DCAF7: variants seen among roughly 807,000 people sequenced by gnomAD.
The protein encoded by DCAF7 is DDB1 and CUL4 associated factor 7, also known as DDB1- and CUL4-associated factor 7.
A neutral mutation model predicts 41.2 loss-of-function variants in DCAF7; 4 were observed. The observed-to-expected ratio is 0.10, with a 90% confidence interval of 0.05 to 0.22. DCAF7 has a LOEUF of 0.22. Ranked by LOEUF, DCAF7 falls within the 10% of genes least tolerant of loss-of-function variation. DCAF7 has a pLI of 1.00. For synonymous variants in DCAF7, 143 were observed against 164.2 expected, an observed-to-expected ratio of 0.87 and a Z score of 0.99; for missense variants, 131 against 443.2, an observed-to-expected ratio of 0.30 and a Z score of 6.32.
At chr17:63,551,158 A>G (rs1253337933) in intron 1 of DCAF7, among the ~76,000 whole-genome samples, 1 of 151,964 alleles carries the variant, frequency 6.6e-6, no homozygotes, top group Non-Finnish European at 1.5e-5. Flanking sequence ...CTCCTGCCGC[A>G]TTGCTTTCGT....
intron 1 of DCAF7, among the ~76,000 whole-genome samples, chr17:63,559,200 A>G (rs1305887207): frequency 6.6e-6 from 1 of 150,550 alleles, no homozygotes; most frequent in Non-Finnish European, 1.5e-5. Context: ...AATCCTCGCT[A>G]CTTGGGAGGC....
At chr17:63,562,579 G>A (rs2033394902) in intron 1 of DCAF7, among the ~76,000 whole-genome samples, 1 of 150,372 alleles carries the variant, frequency 6.7e-6, no homozygotes. Flanking sequence ...GGGTACATGT[G>A]CACAATGTGC....
At chr17:63,562,937 ACCT>A (rs2033400092) in intron 1 of DCAF7, among the ~76,000 whole-genome samples, 1 of 150,224 alleles carries the variant, frequency 6.7e-6, no homozygotes, top group Non-Finnish European at 1.5e-5. Context: ...AGATTCTTCC[ACCT>A]CAGCCTCCCA....
At position 63,559,457 on chromosome 17, in the gene DCAF7, A is replaced by ATATT. The variant is rs1295241971; in HGVS notation, c.138+8643_138+8644insATTT. Among the ~76,000 whole-genome samples, 295 of 137,606 alleles carry ATATT rather than the reference A, an allele frequency of 2.1e-3. 4 individuals carry two copies. Among genetic ancestry groups the ATATT allele is most frequent in the African/African-American group, 6.9e-3 (249 of 36,114 alleles). The allele number at this position is 137,606 out of a possible 152,430, so 90.3% of individuals were successfully genotyped here. On this transcript the variant is annotated intron_variant, in intron 1 of 6. Coordinates refer to ENST00000614556, the MANE Select transcript of DCAF7 (RefSeq NM_005828.5). ...TGTGTGTGTATATATATATATATAT[A>ATATT]TTTTTAATAATTGGTATTGAAACCA...
At chr17:63,560,566 C>T (rs1209229746) in intron 1 of DCAF7, among the ~76,000 whole-genome samples, 5 of 152,058 alleles carry the variant, frequency 3.3e-5, no homozygotes, top group Admixed American at 1.3e-4. Flanking sequence ...TACATATGTA[C>T]ACCCATATGT....
chr17:63,583,133 G>C lies in DCAF7; in HGVS notation c.529-369G>C, dbSNP rs2033641771. ...TAGGCCTTAATGAGCTCGTAGACCT[G>C]CCTCTGATTGTGCACAAGGCCCAGG... On this transcript the variant is annotated intron_variant, in intron 4 of 6. Transcript: ENST00000614556. 2.0e-5 allele frequency among the ~76,000 whole-genome samples: 3 copies of C among 152,266 alleles called. No individual in the cohort carries two copies. In the South Asian group the frequency reaches 6.2e-4, roughly 32 times the overall value.
At position 63,579,959 on chromosome 17, in the gene DCAF7, A is replaced by G; in HGVS notation, c.528+16A>G. On this transcript the variant is annotated intron_variant, in intron 4 of 6. Transcript: ENST00000614556. Reference sequence around the variant, plus strand: ...TGACAAAGAGGTAAGATGCTTTTCCATTTCGTCTTTCCTCAAATGCTTCCT... The same window carrying G: ...TGACAAAGAGGTAAGATGCTTTTCCGTTTCGTCTTTCCTCAAATGCTTCCT... 2 of 1,604,688 alleles carry G rather than the reference A, an allele frequency of 1.2e-6. No homozygotes were observed. Among genetic ancestry groups the G allele is most frequent in the Non-Finnish European group, 8.5e-7 (1 of 1,172,466 alleles).
At position 63,579,277 on chromosome 17, in the gene DCAF7, T is replaced by A. The variant is rs886247548; in HGVS notation, c.298-60T>A. Reference sequence around the variant, plus strand: ...AGATATTTTCTAAACAGGGATTTTTTAAAAGACTTTTTATGAGGATAAGAC... The same window carrying A: ...AGATATTTTCTAAACAGGGATTTTTAAAAAGACTTTTTATGAGGATAAGAC... On this transcript the variant is annotated intron_variant, in intron 2 of 6. Transcript: ENST00000614556. 3.3e-6 allele frequency: 4 copies of A among 1,205,228 alleles called. No individual in the cohort carries two copies. In the African/African-American group the frequency reaches 4.6e-5, roughly 14 times the overall value. The allele number at this position is 1,205,228 out of a possible 1,614,324, so 74.7% of individuals were successfully genotyped here.
At chr17:63,553,101 A>G (rs2033274396) in intron 1 of DCAF7, among the ~76,000 whole-genome samples, 1 of 152,242 alleles carries the variant, frequency 6.6e-6, no homozygotes, top group African/African-American at 2.4e-5. Context: ...GAAACCACTT[A>G]TGTTGCACTA....
intron 1 of DCAF7, among the ~76,000 whole-genome samples, chr17:63,564,156 C>T (rs934708785): frequency 2.0e-5 from 3 of 151,934 alleles, no homozygotes; most frequent in Non-Finnish European, 4.4e-5. Flanking sequence ...CACACACACA[C>T]ACACACATAC....
At chr17:63,577,805 C>T (rs1598034095) in intron 1 of DCAF7, among the ~76,000 whole-genome samples, 1 of 152,188 alleles carries the variant, frequency 6.6e-6, no homozygotes, top group South Asian at 2.1e-4. Context: ...CAGCCAAGAA[C>T]CACCCCTGGT....
intron 6 of DCAF7, among the ~76,000 whole-genome samples, chr17:63,587,559 C>A (rs553736078): frequency 6.6e-6 from 1 of 151,748 alleles, no homozygotes; most frequent in Non-Finnish European, 1.5e-5. Flanking sequence ...AGGAAAAGGG[C>A]CTTAGTGCTC....
In DCAF7 at chr17:63,589,567, A is replaced by G. The variant is rs1364352014; in HGVS notation, c.*395A>G. The stretch of plus-strand genomic sequence containing the variant: ...AGCAGTTCATGTCTCGTCCATGTCC[A>G]TGTTCGTGTTAGCACTTACGTGGGA... On this transcript the variant is annotated 3_prime_UTR_variant, in exon 7 of 7. Transcript: ENST00000614556. 7.6e-6 allele frequency: 2 copies of G among 262,262 alleles called. No homozygotes were observed. Among genetic ancestry groups the G allele is most frequent in the African/African-American group, 2.2e-5 (1 of 45,014 alleles). 16.2% of individuals were successfully genotyped at this position (262,262 alleles called of 1,614,324 possible).
chr17:63,571,471 G>GA (rs1253666237), intron 1 of DCAF7, among the ~76,000 whole-genome samples: 8 of 151,792 alleles, frequency 5.3e-5, no homozygotes, highest in African/African-American at 1.7e-4. Flanking sequence ...AGAACCATGG[G>GA]AAAAAAGAAA....
rs377392456 is a variant in DCAF7 at position 63,551,066 on chromosome 17, G to A, written c.138+251G>A. On this transcript the variant is annotated intron_variant, in intron 1 of 6. Transcript: ENST00000614556. ...CGGTTTTGTGACTTGCCTGGGTCAG[G>A]CAGCTATTTCGGGGTGGAAACAGGT... 2.0e-5 allele frequency among the ~76,000 whole-genome samples: 3 copies of A among 152,228 alleles called. No individual in the cohort carries two copies. In the East Asian group the frequency reaches 5.8e-4, roughly 29 times the overall value.
Position 63,570,879 on chromosome 17 carries a change from A to T in DCAF7, c.139-7591A>T, listed in dbSNP as rs573193291. On this transcript the variant is annotated intron_variant, in intron 1 of 6. Coordinates refer to ENST00000614556, the MANE Select transcript of DCAF7 (RefSeq NM_005828.5). ...GCAGAATATGATTGGAAAAAATTTT[A>T]AAATTTTTTGAAAAGAGAAAAGATG... Among the ~76,000 whole-genome samples, 12 of 152,308 alleles carry T rather than the reference A, an allele frequency of 7.9e-5. No individual in the cohort carries two copies. In the South Asian group the frequency reaches 1.0e-3, roughly 13 times the overall value.
rs193011049 is a variant in DCAF7 at position 63,568,513 on chromosome 17, A to T, written c.139-9957A>T. Reference sequence around the variant, plus strand: ...ACAATTACCTTTGCACCAACCTAACATTAAACTCAGGCGCTTTAAATTTTA... The same window carrying T: ...ACAATTACCTTTGCACCAACCTAACTTTAAACTCAGGCGCTTTAAATTTTA... On this transcript the variant is annotated intron_variant, in intron 1 of 6. Transcript: ENST00000614556. Among the ~76,000 whole-genome samples, 20 of 152,350 alleles carry T rather than the reference A, an allele frequency of 1.3e-4. No homozygotes were observed. In the East Asian group the frequency reaches 3.7e-3, roughly 28 times the overall value.
chr17:63,559,371 ATATG>A (rs2033349079), intron 1 of DCAF7, among the ~76,000 whole-genome samples: 4 of 79,766 alleles, frequency 5.0e-5, no homozygotes, highest in Admixed American at 1.2e-4. Flanking sequence ...ATGTATATAT[ATATG>A]TGTATATATA....
intron 1 of DCAF7, 151 bp from the exon 2 acceptor site, chr17:63,578,319 G>A (rs929340693): frequency 9.9e-7 from 1 of 1,013,910 alleles, no homozygotes. Flanking sequence ...AGCTGTGGTT[G>A]CACCACTGCA....
Sources: gnomAD v4.1 joint callset for allele counts (sites outside exome capture counted in the v4.1 genomes callset) on GRCh38, gnomAD v4.1.1 for gene constraint, MANE v1.5 for transcripts, NCBI Gene and HGNC (gene_info 2026-07-23, HGNC 2026-07-21) for gene names.